DNAJA4: variants seen among roughly 807,000 people sequenced by gnomAD.
The protein encoded by DNAJA4 is DnaJ heat shock protein family (Hsp40) member A4.
In DNAJA4, 32 loss-of-function variants were observed where a neutral mutation model predicts 39.7. The observed-to-expected ratio is 0.81, with a 90% confidence interval of 0.61 to 1.08. The LOEUF (loss-of-function observed/expected upper bound fraction) is 1.08, where lower values mean the gene tolerates loss of function less well. Among genes scored for constraint, DNAJA4 ranks in the 50% least tolerant of loss-of-function variants. The pLI is 0.00. For synonymous variants in DNAJA4, 184 were observed against 182.4 expected (o/e 1.01, Z -0.07); for missense variants, 439 against 505.1 (o/e 0.87, Z 1.25).
Position 78,281,197 on chromosome 15 carries a change from A to G in DNAJA4, c.*737A>G, listed in dbSNP as rs1472363462. 1 of 152,612 alleles carries G rather than the reference A, an allele frequency of 6.6e-6. No individual in the cohort carries two copies. The highest frequency in any genetic ancestry group is 2.4e-5 in the African/African-American group (1 of 41,440). 9.5% of individuals were successfully genotyped at this position (152,612 alleles called of 1,614,324 possible). Reference sequence around the variant, plus strand: ...TCACACCTTGTTCTTCAGGGTTTTAATGATTTTCTGTTGACAACTTTTGCA... The same window carrying G: ...TCACACCTTGTTCTTCAGGGTTTTAGTGATTTTCTGTTGACAACTTTTGCA... On this transcript the variant is annotated 3_prime_UTR_variant, in exon 7 of 7. Coordinates refer to ENST00000394852, the MANE Select transcript of DNAJA4 (RefSeq NM_001130182.2).
At position 78,264,659 on chromosome 15, in the gene DNAJA4, C is replaced by CGCGA; in HGVS notation, c.-101_-98dup. The CGCGA allele has an allele frequency of 9.8e-7, 1 of 1,016,154 alleles. No individual in the cohort carries two copies. Among genetic ancestry groups the CGCGA allele is most frequent in the Non-Finnish European group, 1.2e-6 (1 of 850,320 alleles). 62.9% of individuals were successfully genotyped at this position (1,016,154 alleles called of 1,614,324 possible). A position where few individuals can be genotyped will look rare whatever the true frequency, so the allele number is the denominator to read the frequency against. ...GGCGGCGGCGACCGTGACCGTGACG[C>CGCGA]GCGAGCGGGCGGCGGGGGCGCGGGC... is the stretch of plus-strand genomic sequence containing the variant. On this transcript the variant is annotated 5_prime_UTR_variant, in exon 1 of 7. Coordinates refer to ENST00000394852, the MANE Select transcript of DNAJA4 (RefSeq NM_001130182.2).
At chr15:78,269,146 T>C (rs1297893190) in intron 1 of DNAJA4, among the ~76,000 whole-genome samples, 2 of 152,174 alleles carry the variant, frequency 1.3e-5, no homozygotes, top group African/African-American at 2.4e-5. Context: ...GTTGGGCTTA[T>C]AGATGAAAGT....
chr15:78,270,062 C>T (rs2049250996), intron 1 of DNAJA4: 1 of 154,420 alleles, frequency 6.5e-6, no homozygotes. Context: ...TCACAGATGC[C>T]TGTAGTTGAA....
chr15:78,268,571 T>C (rs555315669), intron 1 of DNAJA4, among the ~76,000 whole-genome samples: 11 of 152,308 alleles, frequency 7.2e-5, no homozygotes, highest in African/African-American at 2.4e-4. Context: ...GCACTTTTTT[T>C]CCCTGAATAT....
intron 1 of DNAJA4, chr15:78,265,364 C>A (rs2049092433): frequency 3.1e-6 from 2 of 653,282 alleles, no homozygotes; most frequent in Non-Finnish European, 5.5e-6. Context: ...TGAGCTGGTA[C>A]CTTGGACAAA....
At chr15:78,277,863 G>A in intron 5 of DNAJA4, 1 of 359,324 alleles carries the variant, frequency 2.8e-6, no homozygotes, top group South Asian at 2.2e-5. Flanking sequence ...ATAAGGAAGG[G>A]TGGAGCATCC....
Position 78,280,655 on chromosome 15 carries a change from G to A in DNAJA4, c.*195G>A. 1 of 558,020 alleles carries A rather than the reference G, an allele frequency of 1.8e-6. No homozygotes were observed. 34.6% of individuals were successfully genotyped at this position (558,020 alleles called of 1,614,324 possible). On this transcript the variant is annotated 3_prime_UTR_variant, in exon 7 of 7. Transcript: ENST00000394852. ...GTTATAGCTTAATTTATATTTAAAT[G>A]TTTTAAGTATAAATCACCTCTAGTC...
intron 1 of DNAJA4, chr15:78,266,211 T>A (rs936503865): frequency 1.2e-6 from 2 of 1,613,702 alleles, no homozygotes; most frequent in Non-Finnish European, 1.7e-6. Context: ...TGTAGGCTTC[T>A]AATTTCACAT....
At position 78,280,403 on chromosome 15, in the gene DNAJA4, G is replaced by A. The variant is rs762997666; in HGVS notation, c.1137G>A (p.Glu379=). The change falls in exon 7 of 7, where the codon GAG becomes GAA. Residue 379 remains glutamate, a synonymous_variant. Coordinates refer to ENST00000394852, the MANE Select transcript of DNAJA4 (RefSeq NM_001130182.2). ...AGCAGAACTGGCGTCAGCACAGGGA[G>A]GCCTACGAGGAGGACGAAGACGGGC... ...PNEQNWRQHR[E]AYEEDEDGPQ... 4 of 1,614,046 alleles carry A rather than the reference G, an allele frequency of 2.5e-6. No individual in the cohort carries two copies. In the South Asian group the frequency reaches 3.3e-5, roughly 13 times the overall value.
chr15:78,267,017 G>C (rs367772363), intron 1 of DNAJA4, among the ~76,000 whole-genome samples: 1 of 152,110 alleles, frequency 6.6e-6, no homozygotes, highest in Non-Finnish European at 1.5e-5. Context: ...TTATAGAAAC[G>C]GCTGTAGAGT....
At chr15:78,264,324 G>A, upstream of DNAJA4, 6 of 1,417,372 alleles carry the variant, frequency 4.2e-6, no homozygotes, top group Non-Finnish European at 5.5e-6. Context: ...ATGGCCCGGG[G>A]CGGCAGTCAG....
intron 5 of DNAJA4, among the ~76,000 whole-genome samples, chr15:78,278,916 G>T (rs1220949154): frequency 4.4e-5 from 6 of 136,934 alleles, no homozygotes; most frequent in African/African-American, 1.6e-4. Context: ...TGATCCGCCC[G>T]CCTCGGCCTC....
At chr15:78,271,336 A>G (rs74026018) in intron 2 of DNAJA4, among the ~76,000 whole-genome samples, 6,451 of 152,090 alleles carry the variant, frequency 0.042, 468 homozygotes, top group African/African-American at 0.15. Context: ...GTTGTCAGTG[A>G]TCCTTTACCG....
At position 78,280,472 on chromosome 15, in the gene DNAJA4, G is replaced by C. The variant is rs1363462302; in HGVS notation, c.*12G>C. The C allele has an allele frequency of 6.3e-7, 1 of 1,597,342 alleles. No homozygotes were observed. Among genetic ancestry groups the C allele is most frequent in the Admixed American group, 1.7e-5 (1 of 58,106 alleles). On this transcript the variant is annotated 3_prime_UTR_variant, in exon 7 of 7. Transcript: ENST00000394852. ...GCCAGACGGCATGACGTGGTGCGGG[G>C]CAGCGTGGCCCCACCGGACTAGCAC...
At chr15:78,271,657 C>T (rs1413396683) in intron 2 of DNAJA4, among the ~76,000 whole-genome samples, 2 of 152,212 alleles carry the variant, frequency 1.3e-5, no homozygotes, top group Non-Finnish European at 2.9e-5. Context: ...TTGACTTTCT[C>T]GGGATTTGTT....
chr15:78,269,323 G>A (rs2049229835), intron 1 of DNAJA4, among the ~76,000 whole-genome samples: 1 of 152,206 alleles, frequency 6.6e-6, no homozygotes, highest in South Asian at 2.1e-4. Flanking sequence ...CTGAGATGGT[G>A]CCTTCAGCCA....
chr15:78,264,704 G>C lies in DNAJA4; in HGVS notation c.-60G>C. 7.5e-7 allele frequency: 1 copy of C among 1,331,832 alleles called. No homozygotes were observed. The allele number at this position is 1,331,832 out of a possible 1,614,324, so 82.5% of individuals were successfully genotyped here. ...GCGGGCCAGGGGCGCGGGCCAGGGT[G>C]CCGGCAGGGGCGTCCGGGGCGCTCT... is the stretch of plus-strand genomic sequence containing the variant. On this transcript the variant is annotated 5_prime_UTR_variant, in exon 1 of 7. Coordinates refer to ENST00000394852, the MANE Select transcript of DNAJA4 (RefSeq NM_001130182.2).
At chr15:78,266,573 C>T (rs1346357133) in intron 1 of DNAJA4, among the ~76,000 whole-genome samples, 1 of 152,200 alleles carries the variant, frequency 6.6e-6, no homozygotes, top group Non-Finnish European at 1.5e-5. Flanking sequence ...GGAATACTTT[C>T]CTTCCTCTAC....
At chr15:78,278,826 ATTTTTTTT>A (rs33990133) in intron 5 of DNAJA4, among the ~76,000 whole-genome samples, 1 of 87,504 alleles carries the variant, frequency 1.1e-5, no homozygotes, top group African/African-American at 4.8e-5. Flanking sequence ...TAGTTTTTCT[ATTTTTTTT>A]TTTTTTTTTT....
Sources: gnomAD v4.1 joint callset for allele counts (sites outside exome capture counted in the v4.1 genomes callset) on GRCh38, gnomAD v4.1.1 for gene constraint, MANE v1.5 for transcripts, NCBI Gene and HGNC (gene_info 2026-07-23, HGNC 2026-07-21) for gene names.